The following WWOX variants were observed in gnomAD, a reference collection of about 807,000 sequenced individuals.
WWOX encodes WW domain containing oxidoreductase.
A neutral mutation model predicts 46.2 loss-of-function variants in WWOX; 69 were observed. The ratio of observed to expected loss-of-function variants is 1.49; its 90% CI spans 1.23 to 1.82. WWOX has a LOEUF of 1.82. WWOX is among the 40% of genes most tolerant of loss of function. The probability of loss-of-function intolerance (pLI) is 0.00; values close to 1 mark genes in which losing one functional copy is unlikely to be tolerated. For missense variants in WWOX, 919 were observed against 542.6 expected (o/e 1.69, Z -6.89); for synonymous variants, 359 against 202.6 (o/e 1.77, Z -6.56).
At chr16:78,417,820 T>G (rs1179828200) in intron 6 of WWOX, among the ~76,000 whole-genome samples, 1 of 152,200 alleles carries the variant, frequency 6.6e-6, no homozygotes, top group Non-Finnish European at 1.5e-5. Context: ...ACAATTGTAG[T>G]GGGCACCCTA....
intron 8 of WWOX, among the ~76,000 whole-genome samples, chr16:78,779,841 A>G (rs1188188411): frequency 6.6e-6 from 1 of 152,186 alleles, no homozygotes; most frequent in Non-Finnish European, 1.5e-5. Context: ...AAGGGGAAGG[A>G]GAAGGGCCTT....
At chr16:78,399,716 T>G (rs1468243269) in intron 6 of WWOX, among the ~76,000 whole-genome samples, 1 of 152,214 alleles carries the variant, frequency 6.6e-6, no homozygotes, top group African/African-American at 2.4e-5. Context: ...ATTTCCCAAC[T>G]TGGCCCATGA....
intron 8 of WWOX, among the ~76,000 whole-genome samples, chr16:79,037,900 C>G (rs888990874): frequency 6.6e-6 from 1 of 152,068 alleles, no homozygotes; most frequent in South Asian, 2.1e-4. Context: ...CAGCTGCAGC[C>G]AAAGGACAGG....
At chr16:78,587,236 A>C (rs1485271373) in intron 8 of WWOX, among the ~76,000 whole-genome samples, 3 of 120,282 alleles carry the variant, frequency 2.5e-5, no homozygotes, top group Non-Finnish European at 3.3e-5. Context: ...GAGTCTCTCT[A>C]TGTTGCCCAG....
intron 8 of WWOX, among the ~76,000 whole-genome samples, chr16:79,069,148 C>A (rs763682449): frequency 6.6e-6 from 1 of 152,146 alleles, no homozygotes; most frequent in South Asian, 2.1e-4. Flanking sequence ...GTGGGCCCTG[C>A]GCTGCGCTTG....
At chr16:78,508,815 G>T (rs1408268684) in intron 8 of WWOX, among the ~76,000 whole-genome samples, 1 of 152,142 alleles carries the variant, frequency 6.6e-6, no homozygotes, top group Non-Finnish European at 1.5e-5. Flanking sequence ...GGGTGCCCCT[G>T]GTCAGAAGGG....
intron 8 of WWOX, among the ~76,000 whole-genome samples, chr16:78,806,617 A>G (rs1040492493): frequency 6.6e-6 from 1 of 152,104 alleles, no homozygotes; most frequent in African/African-American, 2.4e-5. Flanking sequence ...CTTCCTCACA[A>G]TATGGCGGCT....
chr16:78,979,303 C>G (rs1430354314), intron 8 of WWOX, among the ~76,000 whole-genome samples: 1 of 152,180 alleles, frequency 6.6e-6, no homozygotes, highest in Non-Finnish European at 1.5e-5. Context: ...TCATCTCCTT[C>G]TAACCTTTAT....
At chr16:79,115,615 G>C (rs569527754) in intron 8 of WWOX, among the ~76,000 whole-genome samples, 131 of 152,332 alleles carry the variant, frequency 8.6e-4, no homozygotes, top group Non-Finnish European at 1.2e-3. Context: ...AAAGATCTAA[G>C]TGTGATATGA....
At chr16:79,116,642 T>C (rs903202200) in intron 8 of WWOX, among the ~76,000 whole-genome samples, 1 of 152,172 alleles carries the variant, frequency 6.6e-6, no homozygotes, top group African/African-American at 2.4e-5. Flanking sequence ...CTACCACATA[T>C]GAGTCTTGAA....
intron 8 of WWOX, among the ~76,000 whole-genome samples, chr16:78,867,505 T>TGTG (rs1555553524): frequency 6.6e-6 from 1 of 151,644 alleles, no homozygotes; most frequent in Non-Finnish European, 1.5e-5. Flanking sequence ...TGTGTGTGTG[T>TGTG]GTGTGTATGT....
At chr16:78,166,730 TG>T (rs1432684753) in intron 5 of WWOX, 1 of 152,170 alleles carries the variant, frequency 6.6e-6, no homozygotes, top group Non-Finnish European at 1.5e-5. Flanking sequence ...AGCTAATTTT[TG>T]TATTTTTAAT....
chr16:78,571,145 G>C (rs761792878), intron 8 of WWOX, among the ~76,000 whole-genome samples: 25 of 152,164 alleles, frequency 1.6e-4, no homozygotes, highest in Non-Finnish European at 3.2e-4. Flanking sequence ...GTACATTTCT[G>C]AAAATCCACT....
chr16:78,646,062 T>C (rs2046833421), intron 8 of WWOX, among the ~76,000 whole-genome samples: 1 of 152,196 alleles, frequency 6.6e-6, no homozygotes, highest in African/African-American at 2.4e-5. Flanking sequence ...GCATTGGTCT[T>C]CCTTGGGTAA....
At chr16:78,161,127 C>A (rs902911636) in intron 4 of WWOX, among the ~76,000 whole-genome samples, 1 of 151,748 alleles carries the variant, frequency 6.6e-6, no homozygotes, top group Non-Finnish European at 1.5e-5. Context: ...TACAGTATAC[C>A]TTTTCTATTC....
intron 8 of WWOX, among the ~76,000 whole-genome samples, chr16:78,599,479 A>G (rs2045570817): frequency 6.6e-6 from 1 of 152,092 alleles, no homozygotes; most frequent in African/African-American, 2.4e-5. Flanking sequence ...AGCCCCTCTG[A>G]CTGGTGTTTT....
At chr16:78,929,855 C>T (rs952856303) in intron 8 of WWOX, among the ~76,000 whole-genome samples, 1 of 152,150 alleles carries the variant, frequency 6.6e-6, no homozygotes, top group Non-Finnish European at 1.5e-5. Context: ...TGTGCACGGA[C>T]CCTTGCCTTT....
chr16:78,501,573 G>C (rs1332955161), intron 8 of WWOX, among the ~76,000 whole-genome samples: 1 of 150,318 alleles, frequency 6.7e-6, no homozygotes, highest in African/African-American at 2.5e-5. Flanking sequence ...GTCTTCCTCT[G>C]TCACCCAGGC....
chr16:78,469,400 C>CT (rs200922356), intron 8 of WWOX, among the ~76,000 whole-genome samples: 2,135 of 152,204 alleles, frequency 0.014, 50 homozygotes, highest in African/African-American at 0.049. Flanking sequence ...CACAGGAGCA[C>CT]TTGGAGAAGG....
Sources: allele counts gnomAD v4.1 joint callset (sites outside exome capture counted in the v4.1 genomes callset), GRCh38; gene constraint gnomAD v4.1.1; transcripts MANE v1.5; gene names NCBI Gene and HGNC (gene_info 2026-07-23, HGNC 2026-07-21).